Variants in LEMD1 observed in about 807,000 individuals in gnomAD.
LEMD1 encodes the protein LEM domain-containing protein 1.
A neutral mutation model predicts 17.4 loss-of-function variants in LEMD1; 18 were observed. The ratio of observed to expected loss-of-function variants is 1.04; its 90% CI spans 0.72 to 1.54. LEMD1 has a LOEUF of 1.54. Ranked by LOEUF, LEMD1 falls within the 40% of genes most tolerant of loss-of-function variation. LEMD1 has a pLI of 0.00. For synonymous variants in LEMD1, 88 were observed against 77.8 expected (o/e 1.13, Z -0.69); for missense variants, 195 against 210.4 (o/e 0.93, Z 0.45).
intron 1 of LEMD1, among the ~76,000 whole-genome samples, chr1:205,447,686 G>A (rs1465216692): frequency 6.6e-6 from 1 of 152,058 alleles, no homozygotes; most frequent in Non-Finnish European, 1.5e-5. Context: ...CACACCGCAG[G>A]AGGGGGCAGC....
chr1:205,446,125 C>T (rs1449459234), intron 1 of LEMD1, among the ~76,000 whole-genome samples: 1 of 152,192 alleles, frequency 6.6e-6, no homozygotes, highest in Non-Finnish European at 1.5e-5. Flanking sequence ...TGTGAATCCT[C>T]CAGGGAGAAG....
intron 4 of LEMD1, among the ~76,000 whole-genome samples, chr1:205,394,843 C>T (rs370433578): frequency 4.7e-5 from 7 of 150,494 alleles, no homozygotes; most frequent in Middle Eastern, 3.4e-3. Context: ...AAAAATTAGC[C>T]GGGTGTGGTG....
intron 4 of LEMD1, among the ~76,000 whole-genome samples, chr1:205,409,225 T>G (rs1665270303): frequency 6.6e-6 from 1 of 152,248 alleles, no homozygotes; most frequent in South Asian, 2.1e-4. Context: ...TCTGTATATT[T>G]ACTTCTATAA....
At chr1:205,437,991 C>T (rs545115332) in intron 1 of LEMD1, 55 of 152,262 alleles carry the variant, frequency 3.6e-4, no homozygotes, top group African/African-American at 1.3e-3. Flanking sequence ...TGCAAAAAGC[C>T]CTTCCCTGGG....
chr1:205,429,440 T>C (rs1378248640), intron 1 of LEMD1, among the ~76,000 whole-genome samples: 1 of 152,186 alleles, frequency 6.6e-6, no homozygotes, highest in Admixed American at 6.5e-5. Context: ...CAGGCAGATA[T>C]GAGGGCTGAG....
At chr1:205,411,350 G>A (rs1574980321) in intron 4 of LEMD1, among the ~76,000 whole-genome samples, 1 of 151,760 alleles carries the variant, frequency 6.6e-6, no homozygotes, top group African/African-American at 2.4e-5. Context: ...GGCGGATCAC[G>A]AGGTCAGGAG....
At position 205,448,940 on chromosome 1, in the gene LEMD1, A is replaced by G. The variant is rs1344310296; in HGVS notation, c.-39+928T>C. On this transcript the variant is annotated intron_variant, in intron 1 of 3. Transcript: ENST00000367154. The surrounding 1 kb of genome is among the most constrained non-coding windows in gnomAD (Gnocchi z 4.7). ...TTAAATAGGTTTCTTGAGTGCCCCC[A>G]GGGGTGGGGGCTGGGCCAACCTACC... Among the ~76,000 whole-genome samples the G allele has an allele frequency of 4.6e-5, 7 of 152,118 alleles. No individual in the cohort carries two copies. The highest frequency in any genetic ancestry group is 1.7e-4 in the African/African-American group (7 of 41,432).
At chr1:205,414,812 C>T (rs1436843765) in intron 4 of LEMD1, among the ~76,000 whole-genome samples, 1 of 152,062 alleles carries the variant, frequency 6.6e-6, no homozygotes, top group African/African-American at 2.4e-5. Flanking sequence ...TGCTTGAGCC[C>T]AGGAGTTCGA....
chr1:205,429,271 G>T (rs1218883315), intron 1 of LEMD1, among the ~76,000 whole-genome samples: 1 of 152,214 alleles, frequency 6.6e-6, no homozygotes, highest in Non-Finnish European at 1.5e-5. Context: ...ACAGCCTTGT[G>T]GGGAGGGTGG....
chr1:205,420,425 T>C, intron 2 of LEMD1, 30 bp downstream of exon 2: 2 of 1,517,644 alleles, frequency 1.3e-6, no homozygotes, highest in Non-Finnish European at 1.8e-6. Flanking sequence ...AAATGACAAG[T>C]CTGTAATATT....
intron 1 of LEMD1, among the ~76,000 whole-genome samples, chr1:205,428,405 A>T (rs775740737): frequency 1.3e-5 from 2 of 152,204 alleles, no homozygotes; most frequent in Non-Finnish European, 2.9e-5. Flanking sequence ...CCATTCCTTC[A>T]TTCATTCAAC....
intron 1 of LEMD1, among the ~76,000 whole-genome samples, chr1:205,442,226 C>T (rs1394256483): frequency 1.3e-5 from 2 of 152,066 alleles, no homozygotes; most frequent in African/African-American, 4.8e-5. Context: ...TGAGTGAAGC[C>T]CAAGTGCTGC....
intron 4 of LEMD1, among the ~76,000 whole-genome samples, chr1:205,393,863 A>G: frequency 6.6e-6 from 1 of 151,982 alleles, no homozygotes; most frequent in East Asian, 1.9e-4. Flanking sequence ...AGCCAAAAAA[A>G]AAAAAAAAAT....
At chr1:205,424,929 G>A (rs1666035708), upstream of LEMD1, among the ~76,000 whole-genome samples, 1 of 152,168 alleles carries the variant, frequency 6.6e-6, no homozygotes, top group South Asian at 2.1e-4. Flanking sequence ...CTCCTTGGAG[G>A]TTATTACAAC....
intron 5 of LEMD1, among the ~76,000 whole-genome samples, chr1:205,382,889 G>A (rs1219113423): frequency 6.6e-6 from 1 of 152,116 alleles, no homozygotes; most frequent in Non-Finnish European, 1.5e-5. Context: ...TTTTGCAAGA[G>A]CCTTATGTTT....
chr1:205,415,491 G>C (rs1000442575), intron 4 of LEMD1, among the ~76,000 whole-genome samples: 4 of 152,154 alleles, frequency 2.6e-5, no homozygotes, highest in Non-Finnish European at 5.9e-5. Flanking sequence ...AAGAACCAAA[G>C]AGTGGCAGAA....
chr1:205,393,415 C>T (rs971932954), intron 4 of LEMD1, among the ~76,000 whole-genome samples: 4 of 151,876 alleles, frequency 2.6e-5, no homozygotes, highest in African/African-American at 9.7e-5. Context: ...GTGGCTCACA[C>T]CTGTAATCCC....
intron 4 of LEMD1, among the ~76,000 whole-genome samples, chr1:205,388,579 A>G (rs1181845763): frequency 6.6e-6 from 1 of 152,188 alleles, no homozygotes; most frequent in Non-Finnish European, 1.5e-5. Flanking sequence ...GAGCTGAGTT[A>G]TTTGCCCTAG....
rs1481795803 is a variant in LEMD1, at chr1:205,441,133, T to A, written c.-39+8735A>T. ...GAAGAGAGAAGCAAGCTGGGGTTAA[T>A]GCTCCCAGAACCCTCTGGGTCTGGC... On this transcript the variant is annotated intron_variant, in intron 1 of 3. Coordinates refer to the LEMD1 transcript ENST00000367154. This position sits in a 1 kb window ranked among gnomAD's most constrained non-coding sequence, Gnocchi z 4.3. 6.6e-6 allele frequency: 1 copy of A among 152,374 alleles called. No individual in the cohort carries two copies. Among genetic ancestry groups the A allele is most frequent in the Non-Finnish European group, 1.5e-5 (1 of 68,202 alleles). 9.4% of individuals were successfully genotyped at this position (152,374 alleles called of 1,614,324 possible).
Sources: allele counts gnomAD v4.1 joint callset (sites outside exome capture counted in the v4.1 genomes callset), GRCh38; gene constraint gnomAD v4.1.1; non-coding constraint Gnocchi (gnomAD v3.1); transcripts MANE v1.5; gene names NCBI Gene and HGNC (gene_info 2026-07-23, HGNC 2026-07-21).